Variants in LOC400499 observed in about 807,000 individuals in gnomAD.
chr16:11,401,727 T>C, the LOC400499 span, among the ~76,000 whole-genome samples: 1 of 152,236 alleles, frequency 6.6e-6, no homozygotes, highest in East Asian at 1.9e-4. Flanking sequence ...TTTCGTCATC[T>C]GAACACGGGC....
chr16:11,522,714 T>C, the LOC400499 span, among the ~76,000 whole-genome samples: 1 of 152,340 alleles, frequency 6.6e-6, no homozygotes, highest in African/African-American at 2.4e-5. Flanking sequence ...GATTCCACCC[T>C]TGGGAGTCTG....
the LOC400499 span, chr16:11,443,344 AAAAAAAAAAAAAAAT>A: frequency 5.2e-6 from 2 of 383,410 alleles, no homozygotes; most frequent in Non-Finnish European, 1.0e-5. Context: ...AAAAAAAAAA[AAAAAAAAAAAAAAAT>A]GATCGGAGGG....
the LOC400499 span, chr16:11,396,375 G>C: frequency 1.2e-6 from 1 of 820,952 alleles, no homozygotes; most frequent in Non-Finnish European, 1.6e-6. Flanking sequence ...CATCCAGAAT[G>C]CTGGTTTGCA....
At chr16:11,387,372 G>A in the LOC400499 span, 36 of 1,158,376 alleles carry the variant, frequency 3.1e-5, no homozygotes, top group Non-Finnish European at 2.2e-6. Flanking sequence ...GAGCTTCTAG[G>A]TCTGCAGGAA....
chr16:11,451,600 CAGGT>C, the LOC400499 span, among the ~76,000 whole-genome samples: 7 of 151,950 alleles, frequency 4.6e-5, no homozygotes, highest in Admixed American at 1.3e-4. Flanking sequence ...ACAAAAAACA[CAGGT>C]AGAAATGCTG....
the LOC400499 span, among the ~76,000 whole-genome samples, chr16:11,398,852 G>A: frequency 6.6e-6 from 1 of 152,106 alleles, no homozygotes; most frequent in East Asian, 1.9e-4. Context: ...GTAGAGATGG[G>A]GTTTCGCCAT....
the LOC400499 span, chr16:11,439,468 C>T: frequency 2.5e-6 from 1 of 398,994 alleles, no homozygotes; most frequent in Admixed American, 4.4e-5. Context: ...AAGGTCATCT[C>T]CAAGGGAGCA....
chr16:11,471,908 A>G, the LOC400499 span: 4 of 398,108 alleles, frequency 1.0e-5, no homozygotes, highest in African/African-American at 8.2e-5. Context: ...CAGCAAAGAA[A>G]CCTCTTCTCT....
the LOC400499 span, among the ~76,000 whole-genome samples, chr16:11,490,720 A>G: frequency 1.3e-5 from 2 of 152,314 alleles, no homozygotes; most frequent in African/African-American, 4.8e-5. Flanking sequence ...AACAAAACAA[A>G]AAAGCCAAGA....
At chr16:11,425,912 C>A in the LOC400499 span, among the ~76,000 whole-genome samples, 2 of 151,948 alleles carry the variant, frequency 1.3e-5, no homozygotes, top group African/African-American at 4.8e-5. Flanking sequence ...AAATTACAGC[C>A]CAATAGAGCT....
At chr16:11,408,189 G>C in the LOC400499 span, among the ~76,000 whole-genome samples, 1 of 151,972 alleles carries the variant, frequency 6.6e-6, no homozygotes, top group African/African-American at 2.4e-5. Flanking sequence ...CGCCATGTTG[G>C]CCAGGCCAGT....
the LOC400499 span, among the ~76,000 whole-genome samples, chr16:11,482,633 G>A: frequency 6.6e-6 from 1 of 152,180 alleles, no homozygotes; most frequent in Non-Finnish European, 1.5e-5. Context: ...GGTCACACCT[G>A]TAATCCCAGC....
At chr16:11,460,173 A>G in the LOC400499 span, 1 of 880,910 alleles carries the variant, frequency 1.1e-6, no homozygotes, top group African/African-American at 1.7e-5. Flanking sequence ...ACGGTTCTGT[A>G]GAAAGCACTA....
At chr16:11,411,050 C>T in the LOC400499 span, among the ~76,000 whole-genome samples, 1 of 152,236 alleles carries the variant, frequency 6.6e-6, no homozygotes, top group African/African-American at 2.4e-5. Context: ...GCCACGGGGG[C>T]TGGCCCAGGA....
chr16:11,469,698 G>A, the LOC400499 span: 3 of 398,986 alleles, frequency 7.5e-6, no homozygotes, highest in Admixed American at 4.4e-5. Context: ...AAGATTGAGA[G>A]CCTCCACCTG....
chr16:11,401,889 C>G, the LOC400499 span: 1 of 397,512 alleles, frequency 2.5e-6, no homozygotes, highest in South Asian at 1.4e-4. Context: ...CCCCCCAGTG[C>G]CTTTCCCACA....
At chr16:11,406,146 A>G in the LOC400499 span, among the ~76,000 whole-genome samples, 1 of 151,952 alleles carries the variant, frequency 6.6e-6, no homozygotes, top group Admixed American at 6.6e-5. Context: ...CAGGCAGGTA[A>G]TTTTCCAACC....
At chr16:11,390,589 G>A in the LOC400499 span, 4 of 740,938 alleles carry the variant, frequency 5.4e-6, no homozygotes, top group Admixed American at 8.7e-5. Flanking sequence ...GGAGCTGGGG[G>A]AACTGGAACA....
At chr16:11,521,581 C>T in the LOC400499 span, among the ~76,000 whole-genome samples, 3 of 152,088 alleles carry the variant, frequency 2.0e-5, no homozygotes, top group Admixed American at 6.6e-5. Context: ...TTCCTTTGTC[C>T]AAAGGCTTGA....
Sources: allele counts gnomAD v4.1 joint callset (sites outside exome capture counted in the v4.1 genomes callset), GRCh38; gene constraint gnomAD v4.1.1; transcripts MANE v1.5.